The following FAM217B variants were observed in gnomAD, a reference collection of about 807,000 sequenced individuals.
FAM217B encodes the protein protein FAM217B.
For synonymous variants in FAM217B, 163 were observed against 173.0 expected, an observed-to-expected ratio of 0.94 and a Z score of 0.45; for missense variants, 463 against 456.9, an observed-to-expected ratio of 1.01 and a Z score of -0.12.
chr20:59,941,093 G>A (rs556078932), intron 1 of FAM217B, among the ~76,000 whole-genome samples: 39 of 152,304 alleles, frequency 2.6e-4, no homozygotes, highest in Admixed American at 1.3e-3. Context: ...TTAGAACCCT[G>A]CAGGCATTCG....
At chr20:59,941,291 G>A (rs1051167319) in intron 1 of FAM217B, among the ~76,000 whole-genome samples, 1 of 152,226 alleles carries the variant, frequency 6.6e-6, no homozygotes, top group African/African-American at 2.4e-5. Context: ...ACTAATGAAA[G>A]GGGGTTGATT....
chr20:59,936,328 T>C (rs150085130), upstream of FAM217B, among the ~76,000 whole-genome samples: 1 of 152,238 alleles, frequency 6.6e-6, no homozygotes, highest in African/African-American at 2.4e-5. Flanking sequence ...AAGGGGATAT[T>C]GTCTACCAGG....
upstream of FAM217B, chr20:59,940,039 C>A: frequency 1.0e-6 from 1 of 978,446 alleles, no homozygotes; most frequent in Non-Finnish European, 1.3e-6. Flanking sequence ...GTATCTGCAA[C>A]CTGCGGGGGA....
intron 1 of FAM217B, among the ~76,000 whole-genome samples, chr20:59,941,365 TGA>T (rs1487661648): frequency 6.6e-6 from 1 of 152,252 alleles, no homozygotes; most frequent in African/African-American, 2.4e-5. Context: ...TCATGAAATG[TGA>T]GAGAATGATT....
Position 59,944,586 on chromosome 20 carries a change from T to G in FAM217B, c.643T>G (p.Ser215Ala), listed in dbSNP as rs2060925603. Residue 215 changes from serine to alanine, a missense_variant, in exon 4 of 4, where the codon TCA becomes GCA. Ser to Ala is a moderately conservative substitution (Grantham distance 99). Transcript: ENST00000360816. ...AAGGCCCCCCACTGCCCCTGGGACCTCAGGGGCACTGAAAAGCCCTGGGAG... is the reference window on the plus strand; with the variant it reads ...AAGGCCCCCCACTGCCCCTGGGACCGCAGGGGCACTGAAAAGCCCTGGGAG... Reference protein sequence around the residue: ...KARPPTAPGTSGALKSPGRSK... With the variant: ...KARPPTAPGTAGALKSPGRSK... 1 of 1,613,900 alleles carries G rather than the reference T, an allele frequency of 6.2e-7. No homozygotes were observed. The highest frequency in any genetic ancestry group is 1.1e-5 in the South Asian group (1 of 91,080).
At position 59,945,685 on chromosome 20, in the gene FAM217B, TAG is replaced by T. The variant is rs1167774133; in HGVS notation, c.*596_*597del. 6.0e-6 allele frequency: 1 copy of T among 167,124 alleles called. No homozygotes were observed. The highest frequency in any genetic ancestry group is 1.5e-5 in the Non-Finnish European group (1 of 68,160). 10.4% of individuals were successfully genotyped at this position (167,124 alleles called of 1,614,324 possible). A position where few individuals can be genotyped will look rare whatever the true frequency, so the allele number is the denominator to read the frequency against. On this transcript the variant is annotated 3_prime_UTR_variant, in exon 4 of 4. Coordinates refer to ENST00000360816, the MANE Select transcript of FAM217B (RefSeq NM_022106.3). ...ATTTCTCACTAAGCTGGTTGCTTTC[TAG>T]AGAGACAGTGGAATCTAGTACTTTA...
chr20:59,939,554 G>A (rs760602274), upstream of FAM217B: 3 of 1,611,662 alleles, frequency 1.9e-6, no homozygotes, highest in Non-Finnish European at 2.5e-6. Flanking sequence ...GCAGCGGCAC[G>A]GACGGGTCGT....
At chr20:59,940,044 G>C (rs1033594507), upstream of FAM217B, 15 of 939,198 alleles carry the variant, frequency 1.6e-5, no homozygotes, top group Non-Finnish European at 2.1e-5. Context: ...TGCAACCTGC[G>C]GGGGACCTCT....
chr20:59,939,265 A>G (rs754619828), upstream of FAM217B: 4 of 1,611,550 alleles, frequency 2.5e-6, no homozygotes, highest in South Asian at 3.3e-5. Context: ...GGCCCGCGCC[A>G]CCGCGCCACC....
chr20:59,936,551 G>A (rs931524324), upstream of FAM217B: 3 of 152,234 alleles, frequency 2.0e-5, no homozygotes, highest in African/African-American at 7.2e-5. Flanking sequence ...GTACATTAAT[G>A]ATCACATTCC....
chr20:59,941,687 C>T (rs995582736), intron 1 of FAM217B, among the ~76,000 whole-genome samples: 1 of 152,112 alleles, frequency 6.6e-6, no homozygotes, highest in Non-Finnish European at 1.5e-5. Flanking sequence ...ATAGAGAAGG[C>T]CGAAAAATTG....
chr20:59,940,887 T>C (rs1433249854), intron 1 of FAM217B, among the ~76,000 whole-genome samples: 1 of 152,142 alleles, frequency 6.6e-6, no homozygotes, highest in Non-Finnish European at 1.5e-5. Context: ...GAGGTGCTGC[T>C]GTTGTCTTCC....
chr20:59,939,668 C>A, upstream of FAM217B: 1 of 1,474,522 alleles, frequency 6.8e-7, no homozygotes, highest in Admixed American at 2.5e-5. Flanking sequence ...CAGCGCCCGG[C>A]GCGCCCGCGG....
chr20:59,939,439 C>T (rs149736385), upstream of FAM217B: 4,124 of 1,611,518 alleles, frequency 2.6e-3, 13 homozygotes, highest in Middle Eastern at 0.01. Context: ...AAGTCGGCGG[C>T]CTCGACGGGC....
chr20:59,944,594 A>T lies in FAM217B; in HGVS notation c.651A>T (p.Ala217=), dbSNP rs573268348. 1 of 1,614,034 alleles carries T rather than the reference A, an allele frequency of 6.2e-7. No homozygotes were observed. Among genetic ancestry groups the T allele is most frequent in the Admixed American group, 1.7e-5 (1 of 60,000 alleles). ...CCACTGCCCCTGGGACCTCAGGGGC[A>T]CTGAAAAGCCCTGGGAGAAGTAAGC... ...RPPTAPGTSG[A]LKSPGRSKLI... The change falls in exon 4 of 4, where the codon GCA becomes GCT. Residue 217 remains alanine (A), a synonymous_variant. Transcript: ENST00000360816.
At chr20:59,943,878 T>C (rs1036997726) in intron 3 of FAM217B, 62 bp from the exon 4 acceptor site, 2 of 1,368,874 alleles carry the variant, frequency 1.5e-6, no homozygotes. Context: ...TTTGTTTGTT[T>C]AATTATAGCC....
chr20:59,940,984 G>A (rs2060901469), intron 1 of FAM217B, among the ~76,000 whole-genome samples: 1 of 152,184 alleles, frequency 6.6e-6, no homozygotes, highest in Non-Finnish European at 1.5e-5. Flanking sequence ...AGCCTCTGGC[G>A]CTTGGGGAGC....
upstream of FAM217B, chr20:59,939,316 C>T (rs1193731283): frequency 6.2e-7 from 1 of 1,611,936 alleles, no homozygotes; most frequent in African/African-American, 1.3e-5. Context: ...GTGTAGCGCA[C>T]AGCCACCTGC....
chr20:59,943,916 A>T (rs2060919571), intron 3 of FAM217B, 24 bp from the exon 4 acceptor site: 1 of 1,541,930 alleles, frequency 6.5e-7, no homozygotes, highest in African/African-American at 1.4e-5. Flanking sequence ...ATGTGGTAAG[A>T]ATTGCAGTTT....
Sources: gnomAD v4.1 joint callset for allele counts (sites outside exome capture counted in the v4.1 genomes callset) on GRCh38, gnomAD v4.1.1 for gene constraint, MANE v1.5 for transcripts, NCBI Gene and HGNC (gene_info 2026-07-23, HGNC 2026-07-21) for gene names.